Variants in FAM184A observed in about 807,000 individuals in gnomAD.
The protein encoded by FAM184A is family with sequence similarity 184 member A.
In FAM184A, 99 loss-of-function variants were observed where a neutral mutation model predicts 143.8. The ratio of observed to expected loss-of-function variants is 0.69; its 90% CI spans 0.58 to 0.81. The LOEUF is 0.81. FAM184A is among the 40% of genes least tolerant of loss of function. The pLI, the probability that FAM184A is intolerant of heterozygous loss-of-function variation, is 0.00. For synonymous variants in FAM184A, 427 were observed against 446.4 expected, an observed-to-expected ratio of 0.96 and a Z score of 0.55; for missense variants, 1,217 against 1,310.5, an observed-to-expected ratio of 0.93 and a Z score of 1.10.
intron 9 of FAM184A, among the ~76,000 whole-genome samples, chr6:118,990,663 C>T (rs1412052086): frequency 6.6e-6 from 1 of 151,374 alleles, no homozygotes; most frequent in Non-Finnish European, 1.5e-5. Context: ...GTCAGGATTT[C>T]GAGACCAGCC....
intron 1 of FAM184A, among the ~76,000 whole-genome samples, chr6:119,032,883 T>C (rs1056377702): frequency 6.6e-6 from 1 of 152,156 alleles, no homozygotes; most frequent in Non-Finnish European, 1.5e-5. Flanking sequence ...AAAAGGTTAC[T>C]TGAGCCATAA....
intron 1 of FAM184A, among the ~76,000 whole-genome samples, chr6:119,052,525 G>A (rs1431195560): frequency 6.6e-6 from 1 of 152,168 alleles, no homozygotes. Context: ...TCCTGAATCA[G>A]TAGCCAAAGT....
At chr6:119,105,931 G>A (rs6420704) in intron 1 of FAM184A, among the ~76,000 whole-genome samples, 96,595 of 152,024 alleles carry the variant, frequency 0.64, 31,363 homozygotes, top group East Asian at 0.96. Context: ...TATAACTAAC[G>A]TGAAGATATC....
At chr6:119,039,239 T>G (rs1216071391) in intron 1 of FAM184A, among the ~76,000 whole-genome samples, 2 of 152,208 alleles carry the variant, frequency 1.3e-5, no homozygotes, top group Non-Finnish European at 2.9e-5. Flanking sequence ...AGTTGAGCGG[T>G]TTCTTATAAA....
chr6:119,132,090 G>C (rs909486464), intron 1 of FAM184A, among the ~76,000 whole-genome samples: 5 of 152,112 alleles, frequency 3.3e-5, no homozygotes, highest in Non-Finnish European at 5.9e-5. Flanking sequence ...CATTTTAAGA[G>C]TAAAATTTTA....
At chr6:119,084,871 G>A (rs1788174282) in intron 1 of FAM184A, among the ~76,000 whole-genome samples, 3 of 152,218 alleles carry the variant, frequency 2.0e-5, no homozygotes, top group Admixed American at 6.5e-5. Flanking sequence ...TGCACCCTCT[G>A]AAGCAACAGC....
chr6:118,968,264 TA>T (rs545718622), intron 14 of FAM184A, among the ~76,000 whole-genome samples: 2,603 of 149,526 alleles, frequency 0.017, 60 homozygotes, highest in African/African-American at 0.06. Flanking sequence ...CTGATGAGCT[TA>T]AAAAAAAAAC....
At chr6:119,020,405 G>A (rs560657326) in intron 3 of FAM184A, among the ~76,000 whole-genome samples, 108 of 152,002 alleles carry the variant, frequency 7.1e-4, no homozygotes, top group African/African-American at 1.7e-3. Flanking sequence ...CCTGCACCTC[G>A]TACCGTTTTA....
intron 9 of FAM184A, among the ~76,000 whole-genome samples, chr6:118,991,159 T>C (rs180966211): frequency 4.1e-4 from 63 of 151,870 alleles, no homozygotes; most frequent in African/African-American, 1.5e-3. Flanking sequence ...TATTTTATTT[T>C]TTAATTTTTT....
chr6:119,040,297 A>G (rs990444118), intron 1 of FAM184A, among the ~76,000 whole-genome samples: 1 of 152,086 alleles, frequency 6.6e-6, no homozygotes, highest in Non-Finnish European at 1.5e-5. Context: ...CACCACTAAC[A>G]TATTTGTTGC....
rs1182578500 is a variant in FAM184A, at chr6:119,089,210, T to TTTATTTA, written c.-202+59867_-202+59868insTAAATAA. On this transcript the variant is annotated intron_variant, in intron 1 of 16. Transcript: ENST00000352896. ...TCTTTATTTATTTATTTATTTATTT[T>TTTATTTA]TTTATTTTTTTGAGACAGAGTCTCA... Among the ~76,000 whole-genome samples the TTTATTTA allele has an allele frequency of 6.1e-3, 779 of 126,852 alleles. 9 individuals carry two copies. The highest frequency in any genetic ancestry group is 0.02 in the African/African-American group (685 of 34,792). 83.2% of individuals were successfully genotyped at this position (126,852 alleles called of 152,430 possible). A position where few individuals can be genotyped will look rare whatever the true frequency, so the allele number is the denominator to read the frequency against.
At chr6:119,087,230 A>G (rs576544475) in intron 1 of FAM184A, among the ~76,000 whole-genome samples, 10 of 152,296 alleles carry the variant, frequency 6.6e-5, no homozygotes, top group African/African-American at 2.4e-4. Context: ...AAAAGAAAAA[A>G]CAGATAATTT....
chr6:119,126,495 G>T (rs1789369441), intron 1 of FAM184A, among the ~76,000 whole-genome samples: 1 of 152,216 alleles, frequency 6.6e-6, no homozygotes, highest in Non-Finnish European at 1.5e-5. Flanking sequence ...TAGTGGGACG[G>T]GGAGTGTAGC....
chr6:119,112,370 C>T (rs1383394020), intron 1 of FAM184A, among the ~76,000 whole-genome samples: 2 of 152,134 alleles, frequency 1.3e-5, no homozygotes, highest in African/African-American at 2.4e-5. Flanking sequence ...TCAGGTGATC[C>T]GCCTGCCTGG....
At chr6:119,073,792 G>A (rs984062294) in intron 1 of FAM184A, among the ~76,000 whole-genome samples, 3 of 152,206 alleles carry the variant, frequency 2.0e-5, no homozygotes, top group Non-Finnish European at 2.9e-5. Flanking sequence ...ATGAGAAGCT[G>A]CATGAAGAGG....
intron 14 of FAM184A, 30 bp downstream of exon 14, chr6:118,974,398 A>G (rs772152278): frequency 1.3e-6 from 2 of 1,579,362 alleles, no homozygotes; most frequent in Non-Finnish European, 1.7e-6. Flanking sequence ...TATTATCCAC[A>G]TATGAATTTT....
chr6:119,043,083 A>AC (rs1481591967), intron 1 of FAM184A, among the ~76,000 whole-genome samples: 4 of 152,000 alleles, frequency 2.6e-5, no homozygotes, highest in African/African-American at 9.7e-5. Flanking sequence ...TATTAAAAAT[A>AC]AATCTGATGG....
intron 4 of FAM184A, among the ~76,000 whole-genome samples, chr6:119,017,866 T>G (rs908153351): frequency 6.6e-6 from 1 of 152,064 alleles, no homozygotes; most frequent in Non-Finnish European, 1.5e-5. Flanking sequence ...CTCTATGAGT[T>G]TATGTGAGAT....
chr6:119,125,067 T>C (rs937069357), intron 1 of FAM184A, among the ~76,000 whole-genome samples: 1 of 152,210 alleles, frequency 6.6e-6, no homozygotes, highest in Non-Finnish European at 1.5e-5. Flanking sequence ...AAATCATTCT[T>C]TATAAACATT....
Sources: gnomAD v4.1 joint callset for allele counts (sites outside exome capture counted in the v4.1 genomes callset) on GRCh38, gnomAD v4.1.1 for gene constraint, MANE v1.5 for transcripts, NCBI Gene and HGNC (gene_info 2026-07-23, HGNC 2026-07-21) for gene names.